DOCK1: variants seen among roughly 807,000 people sequenced by gnomAD.
DOCK1 encodes dedicator of cytokinesis 1, also known as dedicator of cytokinesis protein 1.
A neutral mutation model predicts 262.7 loss-of-function variants in DOCK1; 138 were observed. That is an observed-to-expected ratio of 0.53 (90% CI 0.46 to 0.61). DOCK1 has a LOEUF of 0.61. Among genes scored for constraint, DOCK1 ranks in the 20% least tolerant of loss-of-function variants. The pLI, the probability that DOCK1 is intolerant of heterozygous loss-of-function variation, is 0.00. For synonymous variants in DOCK1, 866 were observed against 867.4 expected (o/e 1.00, Z 0.03); for missense variants, 1,908 against 2,370.7 (o/e 0.80, Z 4.05).
rs768178007 is a variant in DOCK1 at position 127,125,442 on chromosome 10, C to T, written c.2624-32C>T. On this transcript the variant is annotated intron_variant, in intron 25 of 51. Coordinates refer to ENST00000623213, the MANE Select transcript of DOCK1 (RefSeq NM_001290223.2). ...ACACGAGTTGCGTCTTGGTGGGTTT[C>T]ACACTGACTGGCAATGCTGTGTCCT... The T allele has an allele frequency of 2.5e-6, 4 of 1,610,176 alleles. No homozygotes were observed. In the Admixed American group the frequency reaches 6.7e-5, roughly 27 times the overall value.
intron 1 of DOCK1, among the ~76,000 whole-genome samples, chr10:126,942,643 C>G (rs2035109050): frequency 6.6e-6 from 1 of 152,230 alleles, no homozygotes; most frequent in Middle Eastern, 3.4e-3. Context: ...CATCTGGGAC[C>G]CTGGGATCTG....
At chr10:127,067,253 C>T (rs978714372) in intron 23 of DOCK1, among the ~76,000 whole-genome samples, 13 of 152,154 alleles carry the variant, frequency 8.5e-5, no homozygotes, top group African/African-American at 2.7e-4. Context: ...CTTGGCCACT[C>T]GTGGATTGCA....
rs527808783 is a variant in DOCK1 at position 127,091,205 on chromosome 10, G to A, written c.2446-15026G>A. Among the ~76,000 whole-genome samples the A allele has an allele frequency of 1.3e-3, 191 of 152,122 alleles. 1 individual carries two copies. The highest frequency in any genetic ancestry group is 4.4e-3 in the African/African-American group (181 of 41,504). On this transcript the variant is annotated intron_variant, in intron 23 of 51. Coordinates refer to ENST00000623213, the MANE Select transcript of DOCK1 (RefSeq NM_001290223.2). ...TCACCATGTTAGCCAGGATGGTCTC[G>A]ATCTCCTGACCTCGCGATCCGCCCG...
intron 23 of DOCK1, among the ~76,000 whole-genome samples, chr10:127,105,840 A>T (rs567674016): frequency 6.6e-6 from 1 of 152,202 alleles, no homozygotes; most frequent in South Asian, 2.1e-4. Flanking sequence ...GCTCACTGCA[A>T]CCTCTACTTC....
At chr10:127,328,353 G>GGT (rs2135633206) in intron 29 of DOCK1, among the ~76,000 whole-genome samples, 1 of 152,284 alleles carries the variant, frequency 6.6e-6, no homozygotes, top group South Asian at 2.1e-4. Context: ...TGAACCGTAT[G>GGT]GTTTGCTCAA....
At chr10:126,991,519 T>G (rs1170226300) in intron 6 of DOCK1, among the ~76,000 whole-genome samples, 4 of 148,266 alleles carry the variant, frequency 2.7e-5, no homozygotes, top group South Asian at 4.3e-4. Flanking sequence ...ATCTCCAGTG[T>G]TTTTTTTTTG....
At chr10:126,925,273 T>C (rs7918772) in intron 1 of DOCK1, among the ~76,000 whole-genome samples, 78,218 of 152,226 alleles carry the variant, frequency 0.51, 21,465 homozygotes, top group African/African-American at 0.69. Context: ...CACATATACA[T>C]GTAGTTAGAG....
At chr10:126,960,791 TACAC>T (rs1176439067) in intron 1 of DOCK1, among the ~76,000 whole-genome samples, 9,008 of 140,738 alleles carry the variant, frequency 0.064, 323 homozygotes, top group African/African-American at 0.082. Context: ...TATGTGTATA[TACAC>T]ACACACACAC....
chr10:127,295,910 T>C (rs1348186873), intron 29 of DOCK1, among the ~76,000 whole-genome samples: 1 of 152,192 alleles, frequency 6.6e-6, no homozygotes, highest in South Asian at 2.1e-4. Context: ...GAGATAAATA[T>C]TTAAATCTCC....
At chr10:127,307,655 G>A (rs1375373837) in intron 29 of DOCK1, among the ~76,000 whole-genome samples, 2 of 152,158 alleles carry the variant, frequency 1.3e-5, no homozygotes, top group African/African-American at 2.4e-5. Flanking sequence ...GCCTGGCTTC[G>A]CCTCATGAAA....
At chr10:127,075,169 CAAAAAAAAAAA>C (rs71032536) in intron 23 of DOCK1, among the ~76,000 whole-genome samples, 12 of 64,322 alleles carry the variant, frequency 1.9e-4, no homozygotes, top group East Asian at 1.4e-3. Flanking sequence ...AACTCTGTCT[CAAAAAAAAAAA>C]AAAAAAAAAA....
At chr10:127,071,502 A>G (rs997533996) in intron 23 of DOCK1, among the ~76,000 whole-genome samples, 15 of 152,240 alleles carry the variant, frequency 9.9e-5, no homozygotes, top group Non-Finnish European at 2.1e-4. Context: ...TCAGCAAACC[A>G]AGTATTTCTA....
intron 48 of DOCK1, among the ~76,000 whole-genome samples, chr10:127,435,726 A>G (rs1015712871): frequency 5.3e-5 from 8 of 152,300 alleles, no homozygotes; most frequent in Admixed American, 5.2e-4. Context: ...CCCAGAAGGC[A>G]TTTGTTTAAC....
chr10:127,197,584 GAGA>G (rs1401114352), intron 27 of DOCK1, among the ~76,000 whole-genome samples: 1 of 152,180 alleles, frequency 6.6e-6, no homozygotes, highest in Non-Finnish European at 1.5e-5. Context: ...GGAAAGGTCA[GAGA>G]AGTAGTGGAC....
At position 126,987,550 on chromosome 10, in the gene DOCK1, T is replaced by C; in HGVS notation, c.257T>C (p.Leu86Pro). 4 of 1,580,262 alleles carry C rather than the reference T, an allele frequency of 2.5e-6. No homozygotes were observed. The highest frequency in any genetic ancestry group is 3.4e-6 in the Non-Finnish European group (4 of 1,162,952). Reference protein sequence around the residue: ...GQHETVIPGDLPLIQEVTTTL... With the variant: ...GQHETVIPGDPPLIQEVTTTL... Reference sequence around the variant, plus strand: ...CATGAAACAGTCATCCCGGGTGACCTCCCCCTCATCCAGGAAGTCACCACG... The same window carrying C: ...CATGAAACAGTCATCCCGGGTGACCCCCCCCTCATCCAGGAAGTCACCACG... Residue 86 changes from leucine to proline, a missense_variant, in exon 5 of 52, where the codon CTC becomes CCC. Leu to Pro is a moderately conservative substitution (Grantham distance 98, BLOSUM62 -3). Transcript: ENST00000623213.
chr10:127,100,442 G>T lies in DOCK1; in HGVS notation c.2446-5789G>T, dbSNP rs539985839. Among the ~76,000 whole-genome samples, 17 of 152,330 alleles carry T rather than the reference G, an allele frequency of 1.1e-4. No homozygotes were observed. In the East Asian group the frequency reaches 3.1e-3, roughly 28 times the overall value. On this transcript the variant is annotated intron_variant, in intron 23 of 51. Coordinates refer to ENST00000623213, the MANE Select transcript of DOCK1 (RefSeq NM_001290223.2). This position sits in a 1 kb window ranked among gnomAD's most constrained non-coding sequence, Gnocchi z 5.5. ...CACTGGAATCCCTAGGGAAGGCGAG[G>T]CAGCGGTGGCTTCCACCAAGGCAGG...
chr10:127,144,702 T>C (rs1179497608), intron 27 of DOCK1, among the ~76,000 whole-genome samples: 2 of 152,246 alleles, frequency 1.3e-5, no homozygotes, highest in African/African-American at 4.8e-5. Flanking sequence ...CTCATCCTAA[T>C]AGTTTAAAAT....
intron 27 of DOCK1, among the ~76,000 whole-genome samples, chr10:127,197,678 A>G (rs1308460092): frequency 1.3e-5 from 2 of 152,160 alleles, no homozygotes; most frequent in African/African-American, 4.8e-5. Flanking sequence ...CTCCAGACAC[A>G]TCAGTGGGCA....
At chr10:127,418,303 G>A (rs1439706871) in intron 44 of DOCK1, 62 bp from the exon 45 acceptor site, 4 of 1,515,270 alleles carry the variant, frequency 2.6e-6, no homozygotes, top group Non-Finnish European at 3.5e-6. Context: ...GGCTCCTCTG[G>A]TGAGACCCTG....
Sources: allele counts gnomAD v4.1 joint callset (sites outside exome capture counted in the v4.1 genomes callset), GRCh38; gene constraint gnomAD v4.1.1; non-coding constraint Gnocchi (gnomAD v3.1); transcripts MANE v1.5; gene names NCBI Gene and HGNC (gene_info 2026-07-23, HGNC 2026-07-21).